FLNB: variants seen among roughly 807,000 people sequenced by gnomAD.
FLNB encodes the protein filamin-B.
Under a neutral mutation model 250.6 loss-of-function variants are expected in FLNB, and 111 were observed. The observed-to-expected ratio is 0.44, with a 90% CI of 0.38 to 0.52. The LOEUF is 0.52. FLNB is among the 20% of genes least tolerant of loss of function. FLNB has a pLI of 0.00. For missense variants in FLNB, 2,869 were observed against 3,447.8 expected (o/e 0.83, Z 4.20); for synonymous variants, 1,302 against 1,372.1 (o/e 0.95, Z 1.13).
At chr3:58,132,391 A>C (rs972448957) in intron 25 of FLNB, 1 of 400,436 alleles carries the variant, frequency 2.5e-6, no homozygotes, top group African/African-American at 2.0e-5. Flanking sequence ...CCATTGGTTA[A>C]TTTTTGCTCT....
chr3:58,045,289 C>T (rs1451844671), intron 1 of FLNB, among the ~76,000 whole-genome samples: 1 of 152,112 alleles, frequency 6.6e-6, no homozygotes, highest in African/African-American at 2.4e-5. Context: ...ATGACGTTCC[C>T]TTCACATGTT....
intron 24 of FLNB, among the ~76,000 whole-genome samples, chr3:58,127,482 G>T (rs1216647774): frequency 6.6e-6 from 1 of 152,078 alleles, no homozygotes; most frequent in Non-Finnish European, 1.5e-5. Flanking sequence ...GTGATGTCAT[G>T]TGTAATCACT....
At chr3:58,093,496 A>G (rs1428167939) in intron 4 of FLNB, among the ~76,000 whole-genome samples, 1 of 152,192 alleles carries the variant, frequency 6.6e-6, no homozygotes, top group African/African-American at 2.4e-5. Context: ...CTTGAAAGCT[A>G]TCCGGGAGCC....
intron 1 of FLNB, among the ~76,000 whole-genome samples, chr3:58,058,346 G>A (rs1215005109): frequency 6.6e-6 from 1 of 152,084 alleles, no homozygotes; most frequent in East Asian, 1.9e-4. Context: ...ACATCAGGAC[G>A]ACTCCCTCTC....
intron 1 of FLNB, among the ~76,000 whole-genome samples, chr3:58,073,546 C>T (rs1190085843): frequency 6.6e-6 from 1 of 151,782 alleles, no homozygotes; most frequent in Non-Finnish European, 1.5e-5. Flanking sequence ...TGGTTTATTG[C>T]TCTGCTGTTG....
chr3:58,118,890 G>T lies in FLNB; in HGVS notation c.2764G>T (p.Val922Leu). 1 of 1,614,020 alleles carries T rather than the reference G, an allele frequency of 6.2e-7. No individual in the cohort carries two copies. Among genetic ancestry groups the T allele is most frequent in the African/African-American group, 1.3e-5 (1 of 75,006 alleles). The stretch of plus-strand genomic sequence containing the variant: ...GTTCCAGGGCAACATGCAGGTTCTG[G>T]TGACTTACGGTGGCGATCCCATCCC... ...PTQQGNMQVL[V>L]TYGGDPIPKS... is the part of the protein sequence containing the mutation. Residue 922 changes from valine to leucine, a missense_variant, in exon 19 of 46, where the codon GTG (valine) becomes TTG (leucine). Transcript: ENST00000295956.
chr3:58,100,397 C>T lies in FLNB; in HGVS notation c.1345+1489C>T, dbSNP rs759731789. ...AAATATATATATATTTGCAGGGGCG[C>T]GGTGGGAAGGATACAGGGTCTCACT... On this transcript the variant is annotated intron_variant, in intron 8 of 45. Coordinates refer to ENST00000295956, the MANE Select transcript of FLNB (RefSeq NM_001457.4). Among the ~76,000 whole-genome samples the T allele has an allele frequency of 3.7e-4, 14 of 37,606 alleles. 1 individual carries two copies. Among genetic ancestry groups the T allele is most frequent in the East Asian group, 2.3e-3 (1 of 428 alleles). 24.7% of individuals were successfully genotyped at this position (37,606 alleles called of 152,430 possible).
chr3:58,131,303 A>C (rs1453219556), intron 25 of FLNB, among the ~76,000 whole-genome samples: 1 of 152,238 alleles, frequency 6.6e-6, no homozygotes, highest in Non-Finnish European at 1.5e-5. Flanking sequence ...GGTACATACC[A>C]GAACCTCTGG....
rs80356517 is a variant in FLNB at position 58,108,461 on chromosome 3, C to T, written c.1945C>T (p.Arg649Ter). Residue 649 changes from arginine to a stop codon, truncating the protein, a stop_gained, in exon 13 of 46, where the codon CGA (arginine) becomes TGA (stop). Transcript: ENST00000295956. LOFTEE classifies it high-confidence loss of function. ...TTACTATCTGCCTTTGCTTCAGGTT[C>T]GAGCATACGGGCCAGGTTTGGAGAA... is the stretch of plus-strand genomic sequence containing the variant. Reference protein sequence around the residue: ...ATGGYNPDLVRAYGPGLEKSG... With the variant: ...ATGGYNPDLV 3.7e-6 allele frequency: 6 copies of T among 1,608,984 alleles called. No individual in the cohort carries two copies. The highest frequency in any genetic ancestry group is 3.4e-6 in the Non-Finnish European group (4 of 1,175,422).
At chr3:58,140,732 C>T (rs1329169145) in intron 29 of FLNB, among the ~76,000 whole-genome samples, 3 of 152,118 alleles carry the variant, frequency 2.0e-5, no homozygotes, top group Non-Finnish European at 4.4e-5. Flanking sequence ...CCTCAGCCTC[C>T]CGAGTAGCTG....
chr3:58,121,550 A>C (rs866771027), intron 20 of FLNB, 47 bp downstream of exon 20: 1 of 1,607,856 alleles, frequency 6.2e-7, no homozygotes. Flanking sequence ...GCTGTCAAAC[A>C]TGACACCATA....
chr3:58,082,144 C>T (rs1391189091), intron 4 of FLNB, among the ~76,000 whole-genome samples: 1 of 152,174 alleles, frequency 6.6e-6, no homozygotes, highest in African/African-American at 2.4e-5. Context: ...TTCATTTCTC[C>T]TTCTGTTACA....
At chr3:58,151,677 T>C (rs1436563232) in intron 38 of FLNB, among the ~76,000 whole-genome samples, 1 of 152,240 alleles carries the variant, frequency 6.6e-6, no homozygotes, top group Non-Finnish European at 1.5e-5. Context: ...TTTCATTCAA[T>C]GGAACTATTG....
At chr3:58,035,823 C>T (rs2097137301) in intron 1 of FLNB, among the ~76,000 whole-genome samples, 2 of 152,186 alleles carry the variant, frequency 1.3e-5, no homozygotes, top group Admixed American at 6.5e-5. Flanking sequence ...CTGGATGGAT[C>T]AGTCAGCTAC....
chr3:58,059,796 C>T (rs1267596895), intron 1 of FLNB, among the ~76,000 whole-genome samples: 1 of 152,126 alleles, frequency 6.6e-6, no homozygotes, highest in African/African-American at 2.4e-5. Flanking sequence ...GATGATGTAA[C>T]CCTCAGCATT....
At chr3:58,115,345 C>T (rs1483229795) in intron 18 of FLNB, among the ~76,000 whole-genome samples, 4 of 152,212 alleles carry the variant, frequency 2.6e-5, no homozygotes, top group African/African-American at 4.8e-5. Context: ...AAGGCCATGA[C>T]GTCTTCTAAA....
Position 58,078,708 on chromosome 3 carries a change from T to G in FLNB, c.542-9T>G. ...AATGCTAAAAGAATCTTTTGTGTTC[T>G]GTTAACAGGTCTGTGCCCAGACTGG... On this transcript the variant is annotated splice_polypyrimidine_tract_variant and intron_variant, in intron 2 of 45. Coordinates refer to ENST00000295956, the MANE Select transcript of FLNB (RefSeq NM_001457.4). 1 of 1,611,918 alleles carries G rather than the reference T, an allele frequency of 6.2e-7. No individual in the cohort carries two copies. Among genetic ancestry groups the G allele is most frequent in the Non-Finnish European group, 8.5e-7 (1 of 1,178,624 alleles).
intron 28 of FLNB, among the ~76,000 whole-genome samples, chr3:58,136,743 A>ATTTTTTT (rs1411180386): frequency 5.3e-5 from 4 of 75,200 alleles, no homozygotes; most frequent in Admixed American, 1.4e-4. Context: ...GTCACAGGCC[A>ATTTTTTT]TTCTTTTTTT....
At chr3:58,132,120 G>T (rs1575439580) in intron 25 of FLNB, 3 of 769,136 alleles carry the variant, frequency 3.9e-6, no homozygotes, top group African/African-American at 3.5e-5. Flanking sequence ...TTTGCTTAAT[G>T]AGCATGCCAT....
Sources: allele counts gnomAD v4.1 joint callset (sites outside exome capture counted in the v4.1 genomes callset), GRCh38; gene constraint gnomAD v4.1.1; transcripts MANE v1.5; gene names NCBI Gene and HGNC (gene_info 2026-07-23, HGNC 2026-07-21).